The following CDH18 variants were observed in gnomAD, a reference collection of about 807,000 sequenced individuals.
CDH18 encodes cadherin-18.
In CDH18, 31 loss-of-function variants were observed where a neutral mutation model predicts 67.9. That is an observed-to-expected ratio of 0.46 (90% CI 0.34 to 0.62). The LOEUF (loss-of-function observed/expected upper bound fraction) is 0.62, where lower values mean the gene tolerates loss of function less well. Ranked by LOEUF, CDH18 falls within the 20% of genes least tolerant of loss-of-function variation. The pLI, the probability that CDH18 is intolerant of heterozygous loss-of-function variation, is 0.01. For synonymous variants in CDH18, 362 were observed against 347.2 expected, an observed-to-expected ratio of 1.04 and a Z score of -0.48; for missense variants, 890 against 975.5, an observed-to-expected ratio of 0.91 and a Z score of 1.17.
chr5:19,745,972 A>G (rs910481105), intron 4 of CDH18, among the ~76,000 whole-genome samples: 7 of 152,040 alleles, frequency 4.6e-5, no homozygotes, highest in African/African-American at 1.4e-4. Context: ...TGATTTGATT[A>G]GTGACTAAGT....
intron 2 of CDH18, among the ~76,000 whole-genome samples, chr5:20,122,309 C>T (rs186228628): frequency 6.6e-6 from 1 of 152,100 alleles, no homozygotes; most frequent in East Asian, 1.9e-4. Context: ...TTTACTTTGC[C>T]CTGCTGTTTT....
chr5:19,612,723 C>T (rs1022192992), intron 5 of CDH18, 122 bp from the exon 6 acceptor site: 4 of 731,272 alleles, frequency 5.5e-6, no homozygotes, highest in African/African-American at 1.8e-5. Flanking sequence ...TAAAGTCACA[C>T]GTCTGAGAAA....
chr5:19,563,240 G>C lies in CDH18; in HGVS notation c.1253+8339C>G, dbSNP rs555448762. On this transcript the variant is annotated intron_variant, in intron 8 of 12. Transcript: ENST00000382275. ...TTGGGCTACAAAAAGAAAGTTTTCA[G>C]AGTAAAGCAAAATTGGATTTGCATT... 8.6e-4 allele frequency among the ~76,000 whole-genome samples: 131 copies of C among 152,270 alleles called. 2 individuals are homozygous for C. The highest frequency in any genetic ancestry group is 3.4e-3 in the Middle Eastern group (1 of 294).
At chr5:19,536,590 G>C (rs1260451195) in intron 9 of CDH18, among the ~76,000 whole-genome samples, 1 of 152,152 alleles carries the variant, frequency 6.6e-6, no homozygotes, top group East Asian at 1.9e-4. Flanking sequence ...GAACTAAATG[G>C]AGCTATGATT....
chr5:19,503,301 A>T (rs954240665), intron 10 of CDH18, among the ~76,000 whole-genome samples, 192 bp from the exon 11 acceptor site: 1 of 152,182 alleles, frequency 6.6e-6, no homozygotes, highest in Non-Finnish European at 1.5e-5. Context: ...GGAAAAACAC[A>T]GTATATAATT....
At chr5:19,609,258 T>C (rs991442810) in intron 6 of CDH18, among the ~76,000 whole-genome samples, 1 of 151,964 alleles carries the variant, frequency 6.6e-6, no homozygotes, top group Non-Finnish European at 1.5e-5. Context: ...TGGGCTGATT[T>C]GTTTTCTTTC....
chr5:19,743,107 C>T (rs921057226), intron 4 of CDH18, among the ~76,000 whole-genome samples: 11 of 152,186 alleles, frequency 7.2e-5, no homozygotes, highest in Admixed American at 6.5e-4. Flanking sequence ...TGCAACACAG[C>T]TGTATTCTCT....
chr5:20,472,471 G>T (rs933094011), intron 1 of CDH18, among the ~76,000 whole-genome samples: 1 of 152,124 alleles, frequency 6.6e-6, no homozygotes, highest in Admixed American at 6.6e-5. Flanking sequence ...GAGGAAGTTC[G>T]CATGTGTGAA....
intron 2 of CDH18, among the ~76,000 whole-genome samples, chr5:20,252,466 AATG>A (rs1743933002): frequency 6.6e-6 from 1 of 152,184 alleles, no homozygotes; most frequent in African/African-American, 2.4e-5. Flanking sequence ...GTTGGTATTC[AATG>A]ATAAGGGCTT....
chr5:20,496,581 G>A lies in CDH18; in HGVS notation c.-580+78881C>T, dbSNP rs73764434. Reference sequence around the variant, plus strand: ...TTTTGAGATGGAGTCTCGCTCTGTCGCCAATATACTAATGAGGAAACAATG... The same window carrying A: ...TTTTGAGATGGAGTCTCGCTCTGTCACCAATATACTAATGAGGAAACAATG... On this transcript the variant is annotated intron_variant, in intron 1 of 14. Transcript: ENST00000507958. Among the ~76,000 whole-genome samples, 676 of 152,008 alleles carry A rather than the reference G, an allele frequency of 4.4e-3. 4 individuals are homozygous for A. The highest frequency in any genetic ancestry group is 0.015 in the African/African-American group (624 of 41,482).
chr5:20,479,686 G>C (rs1424764822), intron 1 of CDH18, among the ~76,000 whole-genome samples: 1 of 152,144 alleles, frequency 6.6e-6, no homozygotes, highest in East Asian at 1.9e-4. Context: ...TTATTGGCCT[G>C]ATGAGGTAGA....
chr5:20,503,859 G>A (rs1373160205), intron 1 of CDH18, among the ~76,000 whole-genome samples: 2 of 151,916 alleles, frequency 1.3e-5, no homozygotes, highest in Admixed American at 6.6e-5. Flanking sequence ...GCAACAGGGC[G>A]AAACCCTGCC....
At chr5:20,390,878 A>G (rs189518611) in intron 1 of CDH18, among the ~76,000 whole-genome samples, 67 of 152,248 alleles carry the variant, frequency 4.4e-4, no homozygotes, top group Admixed American at 9.2e-4. Context: ...TCAGCAAACT[A>G]TCACAAGGAC....
chr5:19,921,500 T>C lies in CDH18; in HGVS notation c.-257+59560A>G, dbSNP rs559756148. ...GAGCCGAGATCGCTCCACTGCACTC[T>C]AGCCTGGGCAACATAGCGAGACTCC... On this transcript the variant is annotated intron_variant, in intron 2 of 12. Transcript: ENST00000382275. 9.0e-5 allele frequency among the ~76,000 whole-genome samples: 13 copies of C among 144,520 alleles called. No individual in the cohort carries two copies. In the East Asian group the frequency reaches 1.0e-3, roughly 11 times the overall value. 94.8% of individuals were successfully genotyped at this position (144,520 alleles called of 152,430 possible). A position where few individuals can be genotyped will look rare whatever the true frequency, so the allele number is the denominator to read the frequency against.
intron 2 of CDH18, among the ~76,000 whole-genome samples, chr5:20,170,536 A>G (rs1454074272): frequency 6.6e-6 from 1 of 152,112 alleles, no homozygotes; most frequent in Non-Finnish European, 1.5e-5. Context: ...GTATTTTAAT[A>G]GCATACTAAT....
At chr5:19,895,966 C>T (rs1226537795) in intron 2 of CDH18, among the ~76,000 whole-genome samples, 1 of 151,952 alleles carries the variant, frequency 6.6e-6, no homozygotes. Flanking sequence ...AAAATGGTCC[C>T]CAGAAAACAT....
chr5:19,653,470 C>A (rs578114418), intron 5 of CDH18, among the ~76,000 whole-genome samples: 1 of 152,038 alleles, frequency 6.6e-6, no homozygotes. Context: ...TCTCAGGTAC[C>A]ATTTTTGTGG....
chr5:20,471,663 A>G (rs1410796649), intron 1 of CDH18, among the ~76,000 whole-genome samples: 3 of 151,242 alleles, frequency 2.0e-5, no homozygotes, highest in Admixed American at 1.3e-4. Context: ...TTAGCTGGGT[A>G]TGGTGGCACA....
Position 20,315,268 on chromosome 5 carries a change from T to A in CDH18, c.-579-59763A>T, listed in dbSNP as rs528554994. ...CTGGCTTTATTTCCAAACTCTATCATAAATCCATACAGTGCTACTCTTCAT... is the reference window on the plus strand; with the variant it reads ...CTGGCTTTATTTCCAAACTCTATCAAAAATCCATACAGTGCTACTCTTCAT... On this transcript the variant is annotated intron_variant, in intron 1 of 14. Transcript: ENST00000507958. Among the ~76,000 whole-genome samples the A allele has an allele frequency of 3.3e-3, 505 of 152,138 alleles. 4 individuals are homozygous for A. Among genetic ancestry groups the A allele is most frequent in the Admixed American group, 0.028 (429 of 15,262 alleles).
Sources: gnomAD v4.1 joint callset for allele counts (sites outside exome capture counted in the v4.1 genomes callset) on GRCh38, gnomAD v4.1.1 for gene constraint, MANE v1.5 for transcripts, NCBI Gene and HGNC (gene_info 2026-07-23, HGNC 2026-07-21) for gene names.